HDAC4: variants seen among roughly 807,000 people sequenced by gnomAD.
HDAC4 encodes histone deacetylase 4, also known as histone deacetylase A.
In HDAC4, 16 loss-of-function variants were observed where a neutral mutation model predicts 135.1. The observed-to-expected ratio is 0.12, with a 90% CI of 0.08 to 0.18. HDAC4 has a LOEUF of 0.18. HDAC4 is among the 10% of genes least tolerant of loss of function. The pLI, the probability that HDAC4 is intolerant of heterozygous loss-of-function variation, is 1.00. For missense variants in HDAC4, 1,143 were observed against 1,511.8 expected, an observed-to-expected ratio of 0.76 and a Z score of 4.05; for synonymous variants, 685 against 653.4, an observed-to-expected ratio of 1.05 and a Z score of -0.74.
intron 9 of HDAC4, among the ~76,000 whole-genome samples, 176 bp from the exon 10 acceptor site, chr2:239,134,819 T>G (rs987778207): frequency 6.6e-6 from 1 of 152,200 alleles, no homozygotes; most frequent in Non-Finnish European, 1.5e-5. Context: ...TGCCACAACA[T>G]GAAAGCACAA....
Position 239,137,507 on chromosome 2 carries a change from A to T in HDAC4, c.978+2177T>A, listed in dbSNP as rs1280166286. Among the ~76,000 whole-genome samples, 5 of 152,014 alleles carry T rather than the reference A, an allele frequency of 3.3e-5. No homozygotes were observed. The East Asian group carries it at 9.7e-4, about 29-fold the overall frequency. ...GGCCTCCCTGGCACTGTAGAGGAGG[A>T]GGTGCCCGGCACACTGGGCTTCCCT... On this transcript the variant is annotated intron_variant, in intron 9 of 26. Coordinates refer to ENST00000543185, the MANE Select transcript of HDAC4 (RefSeq NM_001378414.1).
Position 239,234,739 on chromosome 2 carries a change from C to T in HDAC4, c.94+1854G>A, listed in dbSNP as rs533333882. On this transcript the variant is annotated intron_variant, in intron 3 of 26. Coordinates refer to ENST00000543185, the MANE Select transcript of HDAC4 (RefSeq NM_001378414.1). Reference sequence around the variant, plus strand: ...TGCCCTCTGTGGGAGGCTGAAGCCCCGGCCTGTCCTCACACCAGGCAGGGA... The same window carrying T: ...TGCCCTCTGTGGGAGGCTGAAGCCCTGGCCTGTCCTCACACCAGGCAGGGA... Among the ~76,000 whole-genome samples, 16 of 152,316 alleles carry T rather than the reference C, an allele frequency of 1.1e-4. No individual in the cohort carries two copies. The South Asian group carries it at 1.9e-3, about 18-fold the overall frequency.
At chr2:239,267,728 C>T (rs776296712) in intron 2 of HDAC4, among the ~76,000 whole-genome samples, 2 of 152,268 alleles carry the variant, frequency 1.3e-5, no homozygotes, top group Non-Finnish European at 2.9e-5. Flanking sequence ...AGGGACGAGG[C>T]CCCTCACGAA....
At chr2:239,177,125 A>G (rs1411373454) in intron 4 of HDAC4, among the ~76,000 whole-genome samples, 1 of 152,244 alleles carries the variant, frequency 6.6e-6, no homozygotes, top group Non-Finnish European at 1.5e-5. Context: ...TGTTCATCAA[A>G]GAGAATACCA....
intron 16 of HDAC4, among the ~76,000 whole-genome samples, chr2:239,098,388 A>G (rs771518369): frequency 2.0e-5 from 3 of 152,248 alleles, no homozygotes; most frequent in Non-Finnish European, 4.4e-5. Flanking sequence ...GGCTCCAGCC[A>G]TCCTCTCGCT....
chr2:239,264,048 A>T (rs2049554275), intron 2 of HDAC4, among the ~76,000 whole-genome samples: 1 of 151,818 alleles, frequency 6.6e-6, no homozygotes, highest in African/African-American at 2.4e-5. Flanking sequence ...GGGCTCAATG[A>T]CTGAAAACAA....
At chr2:239,238,985 C>T (rs2048036673) in intron 2 of HDAC4, among the ~76,000 whole-genome samples, 1 of 152,318 alleles carries the variant, frequency 6.6e-6, no homozygotes, top group South Asian at 2.1e-4. Context: ...CGTTCGATAA[C>T]AGCATGTGGA....
intron 3 of HDAC4, among the ~76,000 whole-genome samples, 185 bp downstream of exon 3, chr2:239,236,408 A>G (rs899387546): frequency 2.6e-5 from 4 of 152,236 alleles, no homozygotes; most frequent in Non-Finnish European, 5.9e-5. Flanking sequence ...CATGGCACGG[A>G]GCCATTTCAT....
intron 1 of HDAC4, among the ~76,000 whole-genome samples, chr2:239,376,410 C>T (rs1468879390): frequency 6.6e-6 from 1 of 152,108 alleles, no homozygotes; most frequent in Non-Finnish European, 1.5e-5. Context: ...GTGCTCACAA[C>T]CCTCCTGATG....
At chr2:239,095,532 C>G (rs1452995927) in intron 16 of HDAC4, among the ~76,000 whole-genome samples, 1 of 152,154 alleles carries the variant, frequency 6.6e-6, no homozygotes, top group Non-Finnish European at 1.5e-5. Flanking sequence ...GGTCCTGAGG[C>G]CTCTTAGACC....
At position 239,141,423 on chromosome 2, in the gene HDAC4, T is replaced by C. The variant is rs2041369765; in HGVS notation, c.866-1627A>G. Among the ~76,000 whole-genome samples the C allele has an allele frequency of 6.6e-6, 1 of 152,190 alleles. No homozygotes were observed. Among genetic ancestry groups the C allele is most frequent in the Non-Finnish European group, 1.5e-5 (1 of 68,042 alleles). On this transcript the variant is annotated intron_variant, in intron 8 of 26. Coordinates refer to ENST00000543185, the MANE Select transcript of HDAC4 (RefSeq NM_001378414.1). The surrounding 1 kb of genome is among the most constrained non-coding windows in gnomAD (Gnocchi z 4.9). ...TCCCGACCCTACCCCATCCTCTTTCTTTCCCTGGCCCTCTCACCCTCTCAC... is the reference window on the plus strand; with the variant it reads ...TCCCGACCCTACCCCATCCTCTTTCCTTCCCTGGCCCTCTCACCCTCTCAC...
chr2:239,250,243 C>G (rs142964104), intron 2 of HDAC4, among the ~76,000 whole-genome samples: 143 of 152,378 alleles, frequency 9.4e-4, no homozygotes, highest in African/African-American at 3.3e-3. Context: ...GCTGAGAACC[C>G]AGCTGATGAA....
intron 5 of HDAC4, among the ~76,000 whole-genome samples, chr2:239,175,057 C>T (rs2043671198): frequency 6.6e-6 from 1 of 152,208 alleles, no homozygotes; most frequent in African/African-American, 2.4e-5. Context: ...CTCTCCTTAC[C>T]TGGAATCCTG....
At chr2:239,398,727 C>T (rs999432911) in intron 1 of HDAC4, among the ~76,000 whole-genome samples, 3 of 152,244 alleles carry the variant, frequency 2.0e-5, no homozygotes, top group Non-Finnish European at 4.4e-5. Context: ...ACAGAACATT[C>T]TCTCTGGTGC....
In HDAC4 at chr2:239,054,811, A is replaced by C; in HGVS notation, c.3026T>G (p.Val1009Gly). ...GTTTGCATTGGGTCTTTGCTGTAAAACCTTTTCTGGGAGAGGATCAAGCTG... is the reference window on the plus strand; with the variant it reads ...GTTTGCATTGGGTCTTTGCTGTAAACCCTTTTCTGGGAGAGGATCAAGCTG... ...GNELDPLPEK[V>G]LQQRPNANAV... Residue 1009 changes from valine (V) to glycine (G), a missense_variant, in exon 25 of 27, where the codon GTT becomes GGT. Val to Gly is a moderately radical substitution (Grantham distance 109, BLOSUM62 -3). Coordinates refer to ENST00000543185, the MANE Select transcript of HDAC4 (RefSeq NM_001378414.1). The C allele has an allele frequency of 6.2e-7, 1 of 1,612,434 alleles. No individual in the cohort carries two copies. The highest frequency in any genetic ancestry group is 8.5e-7 in the Non-Finnish European group (1 of 1,178,568).
rs915012835 is a variant in HDAC4 at position 239,052,116 on chromosome 2, T to A, written c.*981A>T. The A allele has an allele frequency of 2.0e-5, 3 of 152,588 alleles. No individual in the cohort carries two copies. Among genetic ancestry groups the A allele is most frequent in the Non-Finnish European group, 4.4e-5 (3 of 68,044 alleles). 9.5% of individuals were successfully genotyped at this position (152,588 alleles called of 1,614,324 possible). On this transcript the variant is annotated 3_prime_UTR_variant, in exon 27 of 27. Coordinates refer to ENST00000543185, the MANE Select transcript of HDAC4 (RefSeq NM_001378414.1). Reference sequence around the variant, plus strand: ...ATGTGACGTGTGAGAACACTTTGGATTCGTTTAAAATTTGTTGGACTTCAA... The same window carrying A: ...ATGTGACGTGTGAGAACACTTTGGAATCGTTTAAAATTTGTTGGACTTCAA...
At position 239,306,064 on chromosome 2, in the gene HDAC4, ACT is replaced by A. The variant is rs942600869; in HGVS notation, c.22+46612_22+46613del. ...GACTGCCTGGCTTCACATGAGAAAC[ACT>A]CTGCTTAAGTAACTACTTCATCACT... On this transcript the variant is annotated intron_variant, in intron 2 of 26. Transcript: ENST00000543185. The surrounding 1 kb of genome is among the most constrained non-coding windows in gnomAD (Gnocchi z 4.5). 1.3e-5 allele frequency among the ~76,000 whole-genome samples: 2 copies of A among 152,054 alleles called. No homozygotes were observed. Among genetic ancestry groups the A allele is most frequent in the African/African-American group, 4.8e-5 (2 of 41,394 alleles).
At chr2:239,065,970 T>G (rs2033417281) in intron 24 of HDAC4, among the ~76,000 whole-genome samples, 1 of 152,190 alleles carries the variant, frequency 6.6e-6, no homozygotes, top group Non-Finnish European at 1.5e-5. Context: ...CTCCACTTTG[T>G]GTCACACACT....
intron 1 of HDAC4, among the ~76,000 whole-genome samples, chr2:239,390,383 A>C (rs1010936959): frequency 1.3e-5 from 2 of 152,182 alleles, no homozygotes; most frequent in Non-Finnish European, 2.9e-5. Flanking sequence ...ATATACAAAA[A>C]ATTAGCCAGC....
Sources: gnomAD v4.1 joint callset for allele counts (sites outside exome capture counted in the v4.1 genomes callset) on GRCh38, gnomAD v4.1.1 for gene constraint, Gnocchi (gnomAD v3.1) non-coding constraint, MANE v1.5 for transcripts, NCBI Gene and HGNC (gene_info 2026-07-23, HGNC 2026-07-21) for gene names.